The following PPP1R3A variants were observed in gnomAD, a reference collection of about 807,000 sequenced individuals.
The protein encoded by PPP1R3A is protein phosphatase 1 regulatory subunit 3A.
Under a neutral mutation model 41.7 loss-of-function variants are expected in PPP1R3A, and 29 were observed. The observed-to-expected ratio is 0.70, with a 90% CI of 0.52 to 0.95. The LOEUF (loss-of-function observed/expected upper bound fraction) is 0.95, where lower values mean the gene tolerates loss of function less well. Ranked by LOEUF, PPP1R3A falls within the 40% of genes least tolerant of loss-of-function variation. PPP1R3A has a pLI of 0.00. For synonymous variants in PPP1R3A, 485 were observed against 453.4 expected (o/e 1.07, Z -0.89); for missense variants, 1,352 against 1,292.4 (o/e 1.05, Z -0.71).
chr7:113,902,375 C>A (rs1797080903), intron 1 of PPP1R3A, among the ~76,000 whole-genome samples: 1 of 151,812 alleles, frequency 6.6e-6, no homozygotes, highest in Admixed American at 6.6e-5. Context: ...CCTGAAGACT[C>A]CTAAATTTGT....
In PPP1R3A at chr7:113,899,685, T is replaced by C. The variant is rs147468225; in HGVS notation, c.783-17365A>G. ...AACCTTTGTGCACATTGGAGTAGTC[T>C]GGAGACCTTTTAAAAATACCAAGCC... On this transcript the variant is annotated intron_variant, in intron 1 of 3. Coordinates refer to ENST00000284601, the MANE Select transcript of PPP1R3A (RefSeq NM_002711.4). 2.9e-3 allele frequency among the ~76,000 whole-genome samples: 434 copies of C among 151,910 alleles called. 2 individuals carry two copies. Among genetic ancestry groups the C allele is most frequent in the African/African-American group, 1.0e-2 (414 of 41,508 alleles).
intron 1 of PPP1R3A, 100 bp from the exon 2 acceptor site, chr7:113,882,420 C>T (rs1049806919): frequency 1.4e-6 from 1 of 696,404 alleles, no homozygotes; most frequent in African/African-American, 1.8e-5. Context: ...GCCAAATAAA[C>T]ATTATATAGC....
intron 1 of PPP1R3A, among the ~76,000 whole-genome samples, chr7:113,910,041 C>T (rs1797217125): frequency 6.6e-6 from 1 of 152,048 alleles, no homozygotes; most frequent in Non-Finnish European, 1.5e-5. Flanking sequence ...GAAGCGAAGG[C>T]ACATCTTACA....
chr7:113,902,391 C>T (rs1259077119), intron 1 of PPP1R3A, among the ~76,000 whole-genome samples: 1 of 151,808 alleles, frequency 6.6e-6, no homozygotes, highest in Non-Finnish European at 1.5e-5. Context: ...TTTGTACTAG[C>T]CCAGAACTCT....
intron 1 of PPP1R3A, among the ~76,000 whole-genome samples, chr7:113,888,797 G>A (rs1045588157): frequency 6.6e-6 from 1 of 152,146 alleles, no homozygotes; most frequent in African/African-American, 2.4e-5. Context: ...AGTCACCTGG[G>A]TCCATAACAT....
rs951470752 is a variant in PPP1R3A, at chr7:113,878,373, T to C, written c.2719A>G (p.Asn907Asp). The C allele has an allele frequency of 6.2e-7, 1 of 1,612,388 alleles. No individual in the cohort carries two copies. The highest frequency in any genetic ancestry group is 8.5e-7 in the Non-Finnish European group (1 of 1,179,636). The change falls in exon 4 of 4, where the codon AAT (asparagine) becomes GAT (aspartate). Residue 907 changes from asparagine to aspartate, a missense_variant. Coordinates refer to ENST00000284601, the MANE Select transcript of PPP1R3A (RefSeq NM_002711.4). ...IVHSAFNSDTNRAPQNSSPFS... is the reference protein window; with the variant it reads ...IVHSAFNSDTDRAPQNSSPFS... ...GGAGAGCTATTCTGAGGAGCTCTAT[T>C]AGTGTCTGAGTTAAAAGCAGAATGC...
chr7:113,894,554 C>T (rs879584124), intron 1 of PPP1R3A, among the ~76,000 whole-genome samples: 2 of 151,914 alleles, frequency 1.3e-5, no homozygotes, highest in African/African-American at 2.4e-5. Context: ...CCACAATTTC[C>T]TCACAACGTA....
chr7:113,889,957 G>A (rs1225176192), intron 1 of PPP1R3A, among the ~76,000 whole-genome samples: 1 of 152,002 alleles, frequency 6.6e-6, no homozygotes, highest in African/African-American at 2.4e-5. Context: ...GGAACAGAGT[G>A]GGGTAGGAAT....
Position 113,901,874 on chromosome 7 carries a change from A to G in PPP1R3A, c.782+16341T>C, listed in dbSNP as rs569182317. 3.9e-5 allele frequency among the ~76,000 whole-genome samples: 6 copies of G among 151,906 alleles called. No homozygotes were observed. The East Asian group carries it at 9.8e-4, about 25-fold the overall frequency. On this transcript the variant is annotated intron_variant, in intron 1 of 3. Coordinates refer to ENST00000284601, the MANE Select transcript of PPP1R3A (RefSeq NM_002711.4). ...GGAGATAATAACATCAGCCTGACCT[A>G]CATCACAGGGTTGTCGAAAAAAGAT... is the stretch of plus-strand genomic sequence containing the variant.
rs752224708 is a variant in PPP1R3A, at chr7:113,880,053, C to A, written c.1039G>T (p.Val347Phe). 2 of 1,610,544 alleles carry A rather than the reference C, an allele frequency of 1.2e-6. No individual in the cohort carries two copies. The highest frequency in any genetic ancestry group is 2.7e-5 in the African/African-American group (2 of 74,760). The part of the protein sequence containing the change: ...DERNTFSTDP[V>F]NFPNKAEGLE... The stretch of plus-strand genomic sequence containing the variant: ...CCCTCTGCTTTATTTGGAAAATTGA[C>A]TGGATCTGTTGAAAATGTATTCCTT... Residue 347 changes from valine (V) to phenylalanine (F), a missense_variant, in exon 4 of 4, where the codon GTC becomes TTC. Val to Phe is a conservative substitution (Grantham distance 50). Coordinates refer to ENST00000284601, the MANE Select transcript of PPP1R3A (RefSeq NM_002711.4).
chr7:113,892,726 G>C (rs1204628563), intron 1 of PPP1R3A, among the ~76,000 whole-genome samples: 1 of 152,008 alleles, frequency 6.6e-6, no homozygotes, highest in East Asian at 1.9e-4. Context: ...TCAGTTTCTT[G>C]ATGATAATGC....
chr7:113,896,753 C>T (rs1796981902), intron 1 of PPP1R3A, among the ~76,000 whole-genome samples: 1 of 151,680 alleles, frequency 6.6e-6, no homozygotes, highest in South Asian at 2.1e-4. Flanking sequence ...CAGATGTAAG[C>T]CACTCAATGT....
intron 1 of PPP1R3A, among the ~76,000 whole-genome samples, chr7:113,910,656 T>C (rs1379580571): frequency 6.6e-6 from 1 of 152,104 alleles, no homozygotes; most frequent in African/African-American, 2.4e-5. Context: ...AAATATAGTT[T>C]GTGAAACTGA....
At chr7:113,881,416 T>G (rs1447209812) in intron 3 of PPP1R3A, among the ~76,000 whole-genome samples, 1 of 152,042 alleles carries the variant, frequency 6.6e-6, no homozygotes, top group African/African-American at 2.4e-5. Context: ...AAAAGTGCTG[T>G]ATAAACCATC....
chr7:113,909,351 C>G lies in PPP1R3A; in HGVS notation c.782+8864G>C, dbSNP rs142038517. Among the ~76,000 whole-genome samples the G allele has an allele frequency of 2.4e-3, 363 of 152,056 alleles. 3 individuals carry two copies. The highest frequency in any genetic ancestry group is 0.017 in the Middle Eastern group (5 of 294). ...AAGATAGAAGAATAAATGAAGCGAT[C>G]TTCTGAAGTACTTTTAACTTTCTAA... is the stretch of plus-strand genomic sequence containing the variant. On this transcript the variant is annotated intron_variant, in intron 1 of 3. Transcript: ENST00000284601.
chr7:113,879,481 G>A lies in PPP1R3A; in HGVS notation c.1611C>T (p.Ile537=). ...NEKQRKNFQT[I]LHDQERKMGN... is the part of the protein sequence containing the mutation. Reference sequence around the variant, plus strand: ...CCATCTTCCTTTCTTGGTCATGTAAGATTGTTTGGAAATTTTTTCTTTGTT... The same window carrying A: ...CCATCTTCCTTTCTTGGTCATGTAAAATTGTTTGGAAATTTTTTCTTTGTT... Residue 537 remains isoleucine (I), a synonymous_variant, in exon 4 of 4, where the codon ATC becomes ATT. Transcript: ENST00000284601. The A allele has an allele frequency of 6.2e-7, 1 of 1,613,234 alleles. No homozygotes were observed. The highest frequency in any genetic ancestry group is 8.5e-7 in the Non-Finnish European group (1 of 1,179,616).
At position 113,879,391 on chromosome 7, in the gene PPP1R3A, G is replaced by C; in HGVS notation, c.1701C>G (p.Ser567Arg). The change falls in exon 4 of 4, where the codon AGC becomes AGG. Residue 567 changes from serine (S) to arginine (R), a missense_variant. Transcript: ENST00000284601. The stretch of plus-strand genomic sequence containing the variant: ...CCCGGGTGGGGATTGCGGTATGTTC[G>C]CTCAGCAGAGTAGCCAGGTCTCTGT... ...ASNRDLATLL[S>R]EHTAIPTRAI... is the part of the protein sequence containing the mutation. The C allele has an allele frequency of 6.2e-7, 1 of 1,613,460 alleles. No individual in the cohort carries two copies. The highest frequency in any genetic ancestry group is 1.1e-5 in the South Asian group (1 of 91,078).
chr7:113,895,089 C>T (rs748923317), intron 1 of PPP1R3A, among the ~76,000 whole-genome samples: 1 of 151,894 alleles, frequency 6.6e-6, no homozygotes, highest in African/African-American at 2.4e-5. Flanking sequence ...GCATGTGTGG[C>T]CTCTAATGTT....
At chr7:113,913,329 T>C (rs769946615) in intron 1 of PPP1R3A, among the ~76,000 whole-genome samples, 4 of 152,132 alleles carry the variant, frequency 2.6e-5, no homozygotes, top group Non-Finnish European at 5.9e-5. Context: ...AGCCATATCT[T>C]AGACCCCATT....
Sources: allele counts gnomAD v4.1 joint callset (sites outside exome capture counted in the v4.1 genomes callset), GRCh38; gene constraint gnomAD v4.1.1; transcripts MANE v1.5; gene names NCBI Gene and HGNC (gene_info 2026-07-23, HGNC 2026-07-21).